ARHGAP18: variants seen among roughly 807,000 people sequenced by gnomAD.
The protein encoded by ARHGAP18 is Rho GTPase activating protein 18, also known as rho GTPase-activating protein 18.
ARHGAP18 carries 67 observed loss-of-function variants against 86.2 expected under a neutral mutation model. That is an observed-to-expected ratio of 0.78 (90% CI 0.64 to 0.95). ARHGAP18 has a LOEUF of 0.95. ARHGAP18 is among the 40% of genes least tolerant of loss of function. The pLI is 0.00. For missense variants in ARHGAP18, 691 were observed against 780.4 expected, an observed-to-expected ratio of 0.89 and a Z score of 1.37; for synonymous variants, 283 against 280.4, an observed-to-expected ratio of 1.01 and a Z score of -0.09.
chr6:129,629,250 TA>T, intron 5 of ARHGAP18, 102 bp downstream of exon 5: 3 of 657,010 alleles, frequency 4.6e-6, no homozygotes, highest in Non-Finnish European at 6.5e-6. Context: ...TCTCTCTCTA[TA>T]TATATATATA....
At position 129,633,354 on chromosome 6, in the gene ARHGAP18, G is replaced by C. The variant is rs527236609; in HGVS notation, c.616+688C>G. On this transcript the variant is annotated intron_variant, in intron 4 of 14. Coordinates refer to ENST00000368149, the MANE Select transcript of ARHGAP18 (RefSeq NM_033515.3). Reference sequence around the variant, plus strand: ...GAAGGCTGAGGCAGGAGGATCACTTGAATCTGGGAGGCAGAGGTTGCAGTG... The same window carrying C: ...GAAGGCTGAGGCAGGAGGATCACTTCAATCTGGGAGGCAGAGGTTGCAGTG... Among the ~76,000 whole-genome samples the C allele has an allele frequency of 1.1e-4, 16 of 147,930 alleles. No individual in the cohort carries two copies. In the South Asian group the frequency reaches 3.4e-3, roughly 31 times the overall value.
intron 12 of ARHGAP18, among the ~76,000 whole-genome samples, chr6:129,594,628 A>G (rs1788580373): frequency 6.6e-6 from 1 of 152,100 alleles, no homozygotes; most frequent in African/African-American, 2.4e-5. Context: ...ACGTTAACCC[A>G]AAGTGTCAAA....
intron 1 of ARHGAP18, among the ~76,000 whole-genome samples, chr6:129,648,798 C>CGTTTTCTT (rs1773637400): frequency 6.6e-6 from 1 of 152,028 alleles, no homozygotes; most frequent in African/African-American, 2.4e-5. Context: ...TATTAAAGAA[C>CGTTTTCTT]TACTGTAATC....
chr6:129,625,418 TAA>T lies in ARHGAP18; in HGVS notation c.786+3933_786+3934del, dbSNP rs1373990645. On this transcript the variant is annotated intron_variant, in intron 5 of 14. Coordinates refer to ENST00000368149, the MANE Select transcript of ARHGAP18 (RefSeq NM_033515.3). ...ATACATATGTATTATATATTATATATAATATATATTATATATAATATATATTT... is the reference window on the plus strand; with the variant it reads ...ATACATATGTATTATATATTATATATTATATATTATATATAATATATATTT... Among the ~76,000 whole-genome samples the T allele has an allele frequency of 1.6e-3, 57 of 34,856 alleles. 9 individuals are homozygous for T. The highest frequency in any genetic ancestry group is 0.011 in the African/African-American group (52 of 4,950). 22.9% of individuals were successfully genotyped at this position (34,856 alleles called of 152,430 possible). A position where few individuals can be genotyped will look rare whatever the true frequency, so the allele number is the denominator to read the frequency against.
Position 129,600,776 on chromosome 6 carries a change from T to C in ARHGAP18, c.1438A>G (p.Met480Val), listed in dbSNP as rs374698888. The change falls in exon 11 of 15, where the codon ATG (methionine) becomes GTG (valine). Residue 480 changes from methionine to valine, a missense_variant. Transcript: ENST00000368149. ...KNKMTVMNVA[M>V]VMAPNLFMCH... is the part of the protein sequence containing the mutation. ...ATAAAGAGATTCGGGGCCATGACCA[T>C]TGCTACATTCATGACTGTCATTTTA... 87 of 1,613,594 alleles carry C rather than the reference T, an allele frequency of 5.4e-5. No homozygotes were observed. The highest frequency in any genetic ancestry group is 1.3e-4 in the South Asian group (12 of 91,080).
At chr6:129,614,434 A>G (rs545171517) in intron 7 of ARHGAP18, among the ~76,000 whole-genome samples, 2 of 152,346 alleles carry the variant, frequency 1.3e-5, no homozygotes, top group African/African-American at 2.4e-5. Flanking sequence ...AGAAACAAAA[A>G]TACTTTAGGG....
chr6:129,628,017 C>T (rs1164300469), intron 5 of ARHGAP18, among the ~76,000 whole-genome samples: 1 of 151,988 alleles, frequency 6.6e-6, no homozygotes, highest in Non-Finnish European at 1.5e-5. Context: ...TCAGGATTGG[C>T]CATGGGCTAA....
chr6:129,682,121 G>A (rs529838563), intron 1 of ARHGAP18, among the ~76,000 whole-genome samples: 2 of 152,286 alleles, frequency 1.3e-5, no homozygotes, highest in African/African-American at 4.8e-5. Flanking sequence ...GTTTATGAAA[G>A]CAGATATTAC....
At chr6:129,626,361 A>T (rs542022631) in intron 5 of ARHGAP18, among the ~76,000 whole-genome samples, 1 of 152,052 alleles carries the variant, frequency 6.6e-6, no homozygotes, top group East Asian at 1.9e-4. Context: ...TATTAAAAGG[A>T]AAGAAAGTTT....
rs145852645 is a variant in ARHGAP18 at position 129,606,628 on chromosome 6, C to T, written c.1283-669G>A. Reference sequence around the variant, plus strand: ...ATCCATATCCAGGAAATGTATGCAACGTAGCACAATTTAAACATTAAAAAA... The same window carrying T: ...ATCCATATCCAGGAAATGTATGCAATGTAGCACAATTTAAACATTAAAAAA... On this transcript the variant is annotated intron_variant, in intron 9 of 14. Coordinates refer to ENST00000368149, the MANE Select transcript of ARHGAP18 (RefSeq NM_033515.3). Among the ~76,000 whole-genome samples, 22 of 152,062 alleles carry T rather than the reference C, an allele frequency of 1.4e-4. No homozygotes were observed. The East Asian group carries it at 2.5e-3, about 17-fold the overall frequency.
intron 1 of ARHGAP18, among the ~76,000 whole-genome samples, chr6:129,673,271 C>G (rs1774171064): frequency 6.6e-6 from 1 of 151,684 alleles, no homozygotes; most frequent in Non-Finnish European, 1.5e-5. Flanking sequence ...GTTCCTATTT[C>G]CCTTGTTAAT....
intron 5 of ARHGAP18, among the ~76,000 whole-genome samples, chr6:129,627,331 G>A (rs34860497): frequency 0.23 from 34,845 of 151,774 alleles, 4,424 homozygotes; most frequent in Non-Finnish European, 0.28. Flanking sequence ...TTTTGTAACC[G>A]TTAATAAATT....
At chr6:129,674,798 AG>A (rs917985531) in intron 1 of ARHGAP18, among the ~76,000 whole-genome samples, 1 of 152,178 alleles carries the variant, frequency 6.6e-6, no homozygotes, top group Non-Finnish European at 1.5e-5. Context: ...ATGTTTAGTT[AG>A]CCCCTCAGCA....
At chr6:129,647,564 C>A (rs1463210109) in intron 1 of ARHGAP18, among the ~76,000 whole-genome samples, 2 of 152,038 alleles carry the variant, frequency 1.3e-5, no homozygotes, top group Non-Finnish European at 2.9e-5. Flanking sequence ...TTCCCTATCC[C>A]ACTTTTATTT....
chr6:129,591,408 G>A (rs1053898193), intron 12 of ARHGAP18, among the ~76,000 whole-genome samples: 3 of 152,036 alleles, frequency 2.0e-5, no homozygotes, highest in African/African-American at 7.2e-5. Context: ...CTGGAGAAGG[G>A]CAGTATTTGA....
intron 1 of ARHGAP18, among the ~76,000 whole-genome samples, chr6:129,664,619 A>T (rs561215158): frequency 6.6e-6 from 1 of 152,324 alleles, no homozygotes; most frequent in South Asian, 2.1e-4. Flanking sequence ...TCAGAGCCTC[A>T]GTTTCCTCAC....
chr6:129,650,746 C>G (rs1017915348), intron 1 of ARHGAP18, among the ~76,000 whole-genome samples: 1 of 152,128 alleles, frequency 6.6e-6, no homozygotes, highest in Non-Finnish European at 1.5e-5. Context: ...TCTCCAGGAC[C>G]CTCTATCTTT....
At chr6:129,581,441 C>G (rs1788287074) in intron 13 of ARHGAP18, among the ~76,000 whole-genome samples, 1 of 151,620 alleles carries the variant, frequency 6.6e-6, no homozygotes, top group Non-Finnish European at 1.5e-5. Flanking sequence ...TAGTACATAA[C>G]ACAATCAACT....
At chr6:129,676,841 C>T (rs1774239356) in intron 1 of ARHGAP18, among the ~76,000 whole-genome samples, 1 of 146,062 alleles carries the variant, frequency 6.8e-6, no homozygotes, top group Non-Finnish European at 1.5e-5. Flanking sequence ...TCTATAACTG[C>T]AAGGTAAAAG....
Sources: gnomAD v4.1 joint callset for allele counts (sites outside exome capture counted in the v4.1 genomes callset) on GRCh38, gnomAD v4.1.1 for gene constraint, MANE v1.5 for transcripts, NCBI Gene and HGNC (gene_info 2026-07-23, HGNC 2026-07-21) for gene names.